The following PNLDC1 variants were observed in gnomAD, a reference collection of about 807,000 sequenced individuals.
PNLDC1 encodes the protein PARN like ribonuclease domain containing exonuclease 1, also known as poly(A)-specific ribonuclease PNLDC1.
Under a neutral mutation model 82.0 loss-of-function variants are expected in PNLDC1, and 70 were observed. The ratio of observed to expected loss-of-function variants is 0.85; its 90% confidence interval spans 0.70 to 1.04. PNLDC1 has a LOEUF of 1.04. Ranked by LOEUF, PNLDC1 falls within the 50% of genes least tolerant of loss-of-function variation. The pLI, the probability that PNLDC1 is intolerant of heterozygous loss-of-function variation, is 0.00. For synonymous variants in PNLDC1, 280 were observed against 249.3 expected (o/e 1.12, Z -1.16); for missense variants, 631 against 661.1 (o/e 0.95, Z 0.50).
At chr6:159,808,299 T>C (rs1781520698) in intron 7 of PNLDC1, among the ~76,000 whole-genome samples, 1 of 152,206 alleles carries the variant, frequency 6.6e-6, no homozygotes, top group Non-Finnish European at 1.5e-5. Flanking sequence ...CAGCCAAATA[T>C]TAGAGATTTG....
chr6:159,802,874 C>T (rs1041898586), intron 3 of PNLDC1, among the ~76,000 whole-genome samples: 10 of 152,062 alleles, frequency 6.6e-5, no homozygotes, highest in African/African-American at 2.4e-4. Context: ...TAAGCCACCG[C>T]ACCTGGCCTG....
chr6:159,817,241 G>A, intron 15 of PNLDC1, 90 bp downstream of exon 15: 1 of 1,199,660 alleles, frequency 8.3e-7, no homozygotes. Flanking sequence ...CCAGTCCCAG[G>A]GTTCTACCAA....
intron 4 of PNLDC1, 139 bp downstream of exon 4, chr6:159,803,449 C>A: frequency 1.4e-6 from 1 of 719,482 alleles, no homozygotes; most frequent in Middle Eastern, 2.7e-4. Flanking sequence ...TTCCTCCACT[C>A]ACTCTGCCCT....
chr6:159,808,666 C>A, intron 7 of PNLDC1, 74 bp from the exon 8 acceptor site: 1 of 1,395,982 alleles, frequency 7.2e-7, no homozygotes, highest in Non-Finnish European at 1.0e-6. Flanking sequence ...GCTTCTGCTC[C>A]TCCAGGGCTT....
intron 11 of PNLDC1, among the ~76,000 whole-genome samples, 177 bp from the exon 12 acceptor site, chr6:159,813,424 C>G (rs1020266705): frequency 6.6e-6 from 1 of 152,178 alleles, no homozygotes; most frequent in Non-Finnish European, 1.5e-5. Flanking sequence ...CCCAGGAATA[C>G]TGCGTACCCT....
chr6:159,811,889 GTTTTGT>G (rs146738884), intron 11 of PNLDC1, 103 bp downstream of exon 11: 365,875 of 649,996 alleles, frequency 0.56, 85,235 homozygotes, highest in Admixed American at 0.67. Context: ...TGTTTTTTTT[GTTTTGT>G]TTTGTTTTGT....
chr6:159,818,836 C>T, intron 16 of PNLDC1, 110 bp from the exon 17 acceptor site: 1 of 1,329,358 alleles, frequency 7.5e-7, no homozygotes. Context: ...TCCTTCTCTT[C>T]CCCTCCCTGC....
chr6:159,815,998 C>T lies in PNLDC1; in HGVS notation c.1025C>T (p.Pro342Leu). 1 of 1,613,468 alleles carries T rather than the reference C, an allele frequency of 6.2e-7. No homozygotes were observed. The part of the protein sequence containing the change: ...SDLNPTKNSG[P>L]EIVHASRCEK... The stretch of plus-strand genomic sequence containing the variant: ...TTGAATCCCACCAAGAATTCTGGAC[C>T]AGAGATTGTTCACGCGAGCAGGTGT... Residue 342 changes from proline to leucine, a missense_variant, in exon 13 of 19, where the codon CCA (proline) becomes CTA (leucine). By Grantham distance (98) the Pro-to-Leu change is moderately conservative. Transcript: ENST00000392167.
intron 5 of PNLDC1, 139 bp downstream of exon 5, chr6:159,804,227 A>T (rs1388840901): frequency 9.8e-7 from 1 of 1,017,982 alleles, no homozygotes; most frequent in African/African-American, 1.6e-5. Context: ...CAGCCTCCCA[A>T]GTAGCTGGGA....
At chr6:159,807,626 C>T (rs1053469026) in intron 7 of PNLDC1, among the ~76,000 whole-genome samples, 1 of 152,204 alleles carries the variant, frequency 6.6e-6, no homozygotes, top group Non-Finnish European at 1.5e-5. Flanking sequence ...CTACATAACC[C>T]TGCCAACCAG....
At chr6:159,804,898 C>A (rs1781393531) in intron 6 of PNLDC1, among the ~76,000 whole-genome samples, 1 of 152,234 alleles carries the variant, frequency 6.6e-6, no homozygotes, top group South Asian at 2.1e-4. Flanking sequence ...GAAAAAGAAA[C>A]TGACTCCTAA....
At chr6:159,818,786 CTCTCATGTT>C in intron 16 of PNLDC1, 132 bp downstream of exon 16, 1 of 1,209,018 alleles carries the variant, frequency 8.3e-7, no homozygotes, top group Non-Finnish European at 1.2e-6. Flanking sequence ...TTTTTCTTTC[CTCTCATGTT>C]TCTCCACTAA....
At chr6:159,807,434 C>T (rs1781488847) in intron 7 of PNLDC1, among the ~76,000 whole-genome samples, 1 of 152,036 alleles carries the variant, frequency 6.6e-6, no homozygotes, top group South Asian at 2.1e-4. Context: ...GAAGATAACT[C>T]GCAGTATTTC....
chr6:159,820,126 G>T (rs1157704787), intron 18 of PNLDC1, among the ~76,000 whole-genome samples: 2 of 152,170 alleles, frequency 1.3e-5, no homozygotes, highest in African/African-American at 2.4e-5. Flanking sequence ...TCCAGGGTTT[G>T]AGTCCTGAAC....
chr6:159,805,203 C>T (rs1008155257), intron 6 of PNLDC1, among the ~76,000 whole-genome samples: 1 of 152,184 alleles, frequency 6.6e-6, no homozygotes, highest in Admixed American at 6.5e-5. Context: ...CCTCGTATTC[C>T]TGTAGAGCTG....
intron 9 of PNLDC1, 134 bp from the exon 10 acceptor site, chr6:159,809,892 G>A: frequency 1.4e-6 from 1 of 712,510 alleles, no homozygotes; most frequent in Non-Finnish European, 2.4e-6. Context: ...GGCAAAGGAA[G>A]GTTAGGATGG....
intron 7 of PNLDC1, 105 bp from the exon 8 acceptor site, chr6:159,808,635 C>G: frequency 9.2e-7 from 1 of 1,081,348 alleles, no homozygotes. Flanking sequence ...AGCTCCCTTT[C>G]CACTTGACCT....
At chr6:159,817,357 G>GT (rs1781870216) in intron 15 of PNLDC1, among the ~76,000 whole-genome samples, 2 of 152,180 alleles carry the variant, frequency 1.3e-5, no homozygotes, top group South Asian at 4.1e-4. Context: ...TACCACCCCT[G>GT]TGCCTGCCTG....
chr6:159,808,774 G>A lies in PNLDC1; in HGVS notation c.597G>A (p.Arg199=). Residue 199 remains arginine, a synonymous_variant, in exon 8 of 19, where the codon AGG becomes AGA. Transcript: ENST00000392167. ...CCTTTGAGGTCCAACTGGTGCTGAGGCAGGCCCTCCCCAACATCTGGACGG... is the reference window on the plus strand; with the variant it reads ...CCTTTGAGGTCCAACTGGTGCTGAGACAGGCCCTCCCCAACATCTGGACGG... ...FQAFEVQLVL[R]QALPNIWTVL... 1 of 1,614,066 alleles carries A rather than the reference G, an allele frequency of 6.2e-7. No individual in the cohort carries two copies. The highest frequency in any genetic ancestry group is 8.5e-7 in the Non-Finnish European group (1 of 1,179,988).
Sources: gnomAD v4.1 joint callset for allele counts (sites outside exome capture counted in the v4.1 genomes callset) on GRCh38, gnomAD v4.1.1 for gene constraint, MANE v1.5 for transcripts, NCBI Gene and HGNC (gene_info 2026-07-23, HGNC 2026-07-21) for gene names.